DACH2: variants seen among roughly 807,000 people sequenced by gnomAD.
The protein encoded by DACH2 is dachshund homolog 2.
A neutral mutation model predicts 35.8 loss-of-function variants in DACH2; 17 were observed. That is an observed-to-expected ratio of 0.48 (90% CI 0.33 to 0.71). The LOEUF (loss-of-function observed/expected upper bound fraction) is 0.71, where lower values mean the gene tolerates loss of function less well. Among genes scored for constraint, DACH2 ranks in the 30% least tolerant of loss-of-function variants. The probability of loss-of-function intolerance (pLI) is 0.02; values close to 1 mark genes in which losing one functional copy is unlikely to be tolerated. For synonymous variants in DACH2, 195 were observed against 177.3 expected, an observed-to-expected ratio of 1.10 and a Z score of -0.79; for missense variants, 469 against 472.7, an observed-to-expected ratio of 0.99 and a Z score of 0.07.
chrX:86,340,155 A>T (rs1480421412), intron 1 of DACH2, among the ~76,000 whole-genome samples: 1 of 111,541 alleles, frequency 9.0e-6, no homozygotes, highest in East Asian at 2.9e-4. Flanking sequence ...ACCTTGTTTT[A>T]TTGTGCCTTA....
At chrX:86,682,119 A>T (rs922906862) in intron 4 of DACH2, among the ~76,000 whole-genome samples, 2 of 111,742 alleles carry the variant, frequency 1.8e-5, no homozygotes, top group Admixed American at 9.6e-5. Flanking sequence ...AAGGCCTTCA[A>T]TACTTCATGA....
chrX:86,753,797 C>T (rs1049882381), intron 7 of DACH2, among the ~76,000 whole-genome samples: 2 of 110,522 alleles, frequency 1.8e-5, no homozygotes, highest in African/African-American at 3.3e-5. Context: ...GATAAGAGAG[C>T]GCTACTGACC....
rs771778367 is a variant in DACH2, at chrX:86,652,702, G to A, written c.772+1535G>A. The stretch of plus-strand genomic sequence containing the variant: ...TTGCATTTCTCTAATAATCAATGGT[G>A]TTGAGCTTTTTTCATATGCTTCTTG... On this transcript the variant is annotated intron_variant, in intron 4 of 11. Coordinates refer to ENST00000373125, the MANE Select transcript of DACH2 (RefSeq NM_053281.3). 6.2e-5 allele frequency among the ~76,000 whole-genome samples: 7 copies of A among 112,229 alleles called. No individual in the cohort carries two copies. In the South Asian group the frequency reaches 2.6e-3, roughly 41 times the overall value.
At chrX:86,577,050 C>T (rs2039444402) in intron 3 of DACH2, among the ~76,000 whole-genome samples, 1 of 112,089 alleles carries the variant, frequency 8.9e-6, no homozygotes, top group African/African-American at 3.2e-5. Flanking sequence ...TTTATTGCAA[C>T]ACAAAATGAA....
At chrX:86,477,064 C>T (rs1833252761) in intron 2 of DACH2, among the ~76,000 whole-genome samples, 1 of 109,879 alleles carries the variant, frequency 9.1e-6, no homozygotes, top group African/African-American at 3.3e-5. Flanking sequence ...TGTGACTTAA[C>T]ATATGGTCTA....
intron 2 of DACH2, among the ~76,000 whole-genome samples, chrX:86,453,740 A>G (rs2148200417): frequency 9.0e-6 from 1 of 111,593 alleles, no homozygotes; most frequent in East Asian, 2.8e-4. Context: ...AAGATAGCAT[A>G]CCAGTGGGTC....
At chrX:86,340,541 T>A (rs1429045934) in intron 1 of DACH2, among the ~76,000 whole-genome samples, 1 of 110,692 alleles carries the variant, frequency 9.0e-6, no homozygotes, top group Non-Finnish European at 1.9e-5. Flanking sequence ...TTAAAACTAG[T>A]CCAAGTAAAC....
rs141349953 is a variant in DACH2, at chrX:86,287,023, A to G, written c.489-89801A>G. Among the ~76,000 whole-genome samples, 314 of 111,118 alleles carry G rather than the reference A, an allele frequency of 2.8e-3. 1 individual carries two copies. The highest frequency in any genetic ancestry group is 9.8e-3 in the African/African-American group (299 of 30,500). On this transcript the variant is annotated intron_variant, in intron 1 of 11. Transcript: ENST00000373125. ...ATTGCTCATTAATTTTTTGTTTCTC[A>G]TTGAAAGACTTCATTTAGCATGTCA...
At chrX:86,376,137 C>CTGTGTGTGTGTGTA (rs2035962991) in intron 1 of DACH2, among the ~76,000 whole-genome samples, 1 of 94,797 alleles carries the variant, frequency 1.1e-5, no homozygotes, top group African/African-American at 4.1e-5. Context: ...GTATGTATGA[C>CTGTGTGTGTGTGTA]TGTGTGTGTG....
intron 7 of DACH2, among the ~76,000 whole-genome samples, chrX:86,808,273 T>G (rs2042363574): frequency 1.8e-5 from 2 of 112,066 alleles, no homozygotes; most frequent in African/African-American, 6.5e-5. Flanking sequence ...AATACATGAT[T>G]TATAAAGGAG....
intron 3 of DACH2, among the ~76,000 whole-genome samples, chrX:86,634,505 C>T (rs1435059804): frequency 9.0e-6 from 1 of 110,714 alleles, no homozygotes; most frequent in Non-Finnish European, 1.9e-5. Context: ...ACAGGGAAGT[C>T]AAATTGGTCC....
chrX:86,759,491 C>T (rs760208022), intron 7 of DACH2, among the ~76,000 whole-genome samples: 2 of 109,073 alleles, frequency 1.8e-5, no homozygotes, highest in East Asian at 5.7e-4. Context: ...CATCACTTTA[C>T]TTTTAGTCTG....
chrX:86,446,377 C>T (rs1156293358), intron 2 of DACH2, among the ~76,000 whole-genome samples: 1 of 76,124 alleles, frequency 1.3e-5, no homozygotes, highest in African/African-American at 5.1e-5. Context: ...ATGTGCCATG[C>T]TGGTGCGCTG....
intron 3 of DACH2, among the ~76,000 whole-genome samples, chrX:86,613,352 C>T (rs1421131880): frequency 9.0e-6 from 1 of 111,289 alleles, no homozygotes; most frequent in African/African-American, 3.3e-5. Context: ...TTTTCATCTG[C>T]ATATCTCTTA....
chrX:86,819,350 G>A (rs1463017562), intron 11 of DACH2, among the ~76,000 whole-genome samples: 1 of 110,408 alleles, frequency 9.1e-6, no homozygotes, highest in African/African-American at 3.3e-5. Flanking sequence ...TTGAGGGCCT[G>A]CAAGATAGCA....
chrX:86,795,270 G>C lies in DACH2; in HGVS notation c.1241-17586G>C, dbSNP rs374892042. The stretch of plus-strand genomic sequence containing the variant: ...TTTTTTGAGACAGAATCTTCGCTCT[G>C]TCACCCAGGCTGGAGTGCAGTGGCG... On this transcript the variant is annotated intron_variant, in intron 7 of 11. Transcript: ENST00000373125. Among the ~76,000 whole-genome samples, 7 of 96,470 alleles carry C rather than the reference G, an allele frequency of 7.3e-5. No individual in the cohort carries two copies. The East Asian group carries it at 1.9e-3, about 27-fold the overall frequency. The allele number at this position is 96,470 out of a possible 115,157, so 83.8% of individuals were successfully genotyped here.
intron 3 of DACH2, 70 bp downstream of exon 3, chrX:86,514,461 G>T: frequency 1.1e-6 from 1 of 934,931 alleles, no homozygotes; most frequent in Non-Finnish European, 1.5e-6. Flanking sequence ...AACCAATATT[G>T]ATCTAACTGC....
intron 1 of DACH2, among the ~76,000 whole-genome samples, chrX:86,220,860 C>T (rs1247250736): frequency 2.7e-5 from 3 of 112,175 alleles, no homozygotes; most frequent in Non-Finnish European, 5.6e-5. Flanking sequence ...ACAATTTCTT[C>T]ACATCCTTGC....
intron 3 of DACH2, among the ~76,000 whole-genome samples, chrX:86,607,332 T>C (rs2148364381): frequency 9.0e-6 from 1 of 111,705 alleles, no homozygotes. Context: ...AGTTTCTTAC[T>C]TTTTATTTTT....
Sources: allele counts gnomAD v4.1 joint callset (sites outside exome capture counted in the v4.1 genomes callset), GRCh38; gene constraint gnomAD v4.1.1; transcripts MANE v1.5; gene names NCBI Gene and HGNC (gene_info 2026-07-23, HGNC 2026-07-21).